The following GNAQ variants were observed in gnomAD, a reference collection of about 807,000 sequenced individuals.
The protein encoded by GNAQ is guanine nucleotide-binding protein G(q) subunit alpha.
A neutral mutation model predicts 43.9 loss-of-function variants in GNAQ; 8 were observed. The observed-to-expected ratio is 0.18, with a 90% CI of 0.11 to 0.33. GNAQ has a LOEUF of 0.33. GNAQ is among the 10% of genes least tolerant of loss of function. The pLI, the probability that GNAQ is intolerant of heterozygous loss-of-function variation, is 1.00. For synonymous variants in GNAQ, 155 were observed against 170.7 expected, an observed-to-expected ratio of 0.91 and a Z score of 0.71; for missense variants, 158 against 450.8, an observed-to-expected ratio of 0.35 and a Z score of 5.88.
chr9:77,850,101 G>A (rs992251309), intron 2 of GNAQ, among the ~76,000 whole-genome samples: 2 of 152,152 alleles, frequency 1.3e-5, no homozygotes, highest in South Asian at 2.1e-4. Context: ...TCCAAATGTC[G>A]GCTACACACT....
chr9:77,765,696 T>C (rs1283627960), intron 5 of GNAQ, among the ~76,000 whole-genome samples: 5 of 152,356 alleles, frequency 3.3e-5, no homozygotes, highest in East Asian at 3.9e-4. Flanking sequence ...AAAAACAGTA[T>C]GGCAATTCAT....
intron 1 of GNAQ, among the ~76,000 whole-genome samples, chr9:77,940,817 A>C (rs1390463511): frequency 1.3e-5 from 2 of 151,966 alleles, no homozygotes; most frequent in Non-Finnish European, 2.9e-5. Flanking sequence ...AATACAAAAA[A>C]TTAGCCGGGC....
intron 1 of GNAQ, among the ~76,000 whole-genome samples, chr9:78,003,197 A>G (rs941209872): frequency 6.6e-6 from 1 of 152,210 alleles, no homozygotes; most frequent in Non-Finnish European, 1.5e-5. Flanking sequence ...AGAATGTCCA[A>G]AAAGAAAAAA....
chr9:77,990,178 C>T (rs1170349835), intron 1 of GNAQ, among the ~76,000 whole-genome samples: 2 of 152,148 alleles, frequency 1.3e-5, no homozygotes, highest in Admixed American at 1.3e-4. Context: ...TTCAGTGCCT[C>T]ATGGAATTGG....
At chr9:77,854,230 A>G (rs1374781591) in intron 2 of GNAQ, among the ~76,000 whole-genome samples, 1 of 152,210 alleles carries the variant, frequency 6.6e-6, no homozygotes, top group Non-Finnish European at 1.5e-5. Flanking sequence ...ATGTGTTTAA[A>G]AGACTATTAA....
At chr9:77,835,372 A>T (rs1827366809) in intron 2 of GNAQ, among the ~76,000 whole-genome samples, 1 of 152,018 alleles carries the variant, frequency 6.6e-6, no homozygotes, top group Admixed American at 6.6e-5. Flanking sequence ...ATGACCTTAT[A>T]TTTATGCAGC....
At chr9:77,847,485 A>T (rs1036925469) in intron 2 of GNAQ, among the ~76,000 whole-genome samples, 6 of 152,178 alleles carry the variant, frequency 3.9e-5, no homozygotes, top group African/African-American at 1.4e-4. Context: ...CTGCCTTACA[A>T]TTTGCTACAG....
At chr9:77,798,057 CTTTTT>C (rs367901036) in intron 3 of GNAQ, among the ~76,000 whole-genome samples, 1 of 151,466 alleles carries the variant, frequency 6.6e-6, no homozygotes, top group Non-Finnish European at 1.5e-5. Flanking sequence ...TTTTCTTTTT[CTTTTT>C]TCTCTTTTTT....
intron 2 of GNAQ, among the ~76,000 whole-genome samples, chr9:77,849,317 GT>G (rs922599233): frequency 2.0e-5 from 3 of 151,478 alleles, no homozygotes; most frequent in African/African-American, 4.9e-5. Flanking sequence ...AATAATAAGA[GT>G]TTTTTTTTAT....
At chr9:77,852,546 C>G (rs1827686970) in intron 2 of GNAQ, among the ~76,000 whole-genome samples, 1 of 152,232 alleles carries the variant, frequency 6.6e-6, no homozygotes, top group Non-Finnish European at 1.5e-5. Flanking sequence ...CAAGACCCTC[C>G]ACTAGCCACA....
chr9:77,725,754 C>A (rs185385212), intron 6 of GNAQ, among the ~76,000 whole-genome samples: 1 of 152,246 alleles, frequency 6.6e-6, no homozygotes, highest in Admixed American at 6.5e-5. Context: ...ACTGCAAGCA[C>A]TGATCACAAA....
At chr9:77,813,263 G>C (rs1826955984) in intron 3 of GNAQ, among the ~76,000 whole-genome samples, 1 of 152,134 alleles carries the variant, frequency 6.6e-6, no homozygotes, top group African/African-American at 2.4e-5. Flanking sequence ...ATTCCCACTA[G>C]GGAAATGTAG....
At chr9:77,762,155 C>T (rs558339618) in intron 5 of GNAQ, among the ~76,000 whole-genome samples, 184 of 137,884 alleles carry the variant, frequency 1.3e-3, no homozygotes, top group African/African-American at 4.9e-3. Context: ...CCAGCCGCCC[C>T]GTCCGGGAGG....
At chr9:77,788,237 A>C (rs2118424633) in intron 5 of GNAQ, among the ~76,000 whole-genome samples, 1 of 152,318 alleles carries the variant, frequency 6.6e-6, no homozygotes, top group African/African-American at 2.4e-5. Flanking sequence ...GACTAGGAAA[A>C]GGTAATGTGC....
intron 2 of GNAQ, among the ~76,000 whole-genome samples, chr9:77,909,241 C>T (rs1441945857): frequency 1.3e-5 from 2 of 152,074 alleles, no homozygotes; most frequent in African/African-American, 2.4e-5. Context: ...TATTTTAATC[C>T]CCAACTTTAG....
At chr9:77,729,091 A>G (rs1190670204) in intron 5 of GNAQ, among the ~76,000 whole-genome samples, 2 of 94,654 alleles carry the variant, frequency 2.1e-5, no homozygotes, top group Admixed American at 1.1e-4. Flanking sequence ...GGGCCTCACA[A>G]TTAACTCTAT....
chr9:77,953,141 G>C (rs1823002309), intron 1 of GNAQ, among the ~76,000 whole-genome samples: 1 of 152,178 alleles, frequency 6.6e-6, no homozygotes, highest in Non-Finnish European at 1.5e-5. Flanking sequence ...GGTCCCAAGA[G>C]GTTAGGTAAG....
At chr9:77,751,802 AC>A (rs1198958731) in intron 5 of GNAQ, among the ~76,000 whole-genome samples, 4 of 152,220 alleles carry the variant, frequency 2.6e-5, no homozygotes, top group African/African-American at 9.6e-5. Context: ...AAACAAACAA[AC>A]AAACAAACAA....
chr9:77,952,794 G>A (rs1467616068), intron 1 of GNAQ, among the ~76,000 whole-genome samples: 1 of 152,066 alleles, frequency 6.6e-6, no homozygotes, highest in Admixed American at 6.6e-5. Flanking sequence ...TGTCTAAGAA[G>A]CCCATTAATA....
Sources: gnomAD v4.1 joint callset for allele counts (sites outside exome capture counted in the v4.1 genomes callset) on GRCh38, gnomAD v4.1.1 for gene constraint, MANE v1.5 for transcripts, NCBI Gene and HGNC (gene_info 2026-07-23, HGNC 2026-07-21) for gene names.